The following CDK17 variants were observed in gnomAD, a reference collection of about 807,000 sequenced individuals.
CDK17 encodes cyclin-dependent kinase 17.
CDK17 carries 24 observed loss-of-function variants against 77.6 expected under a neutral mutation model. That is an observed-to-expected ratio of 0.31 (90% CI 0.22 to 0.44). CDK17 has a LOEUF of 0.44. Ranked by LOEUF, CDK17 falls within the 20% of genes least tolerant of loss-of-function variation. The pLI, the probability that CDK17 is intolerant of heterozygous loss-of-function variation, is 1.00. For synonymous variants in CDK17, 203 were observed against 210.4 expected (o/e 0.96, Z 0.30); for missense variants, 429 against 622.5 (o/e 0.69, Z 3.31).
At chr12:96,306,852 T>G (rs997607489) in intron 5 of CDK17, among the ~76,000 whole-genome samples, 1 of 152,226 alleles carries the variant, frequency 6.6e-6, no homozygotes, top group African/African-American at 2.4e-5. Context: ...GGGTAGAGAT[T>G]TTCATTTTGA....
chr12:96,391,012 G>A (rs965424037), intron 1 of CDK17, among the ~76,000 whole-genome samples: 4 of 151,414 alleles, frequency 2.6e-5, no homozygotes, highest in Admixed American at 6.6e-5. Context: ...TACTGAACCC[G>A]GGAGGTGGAG....
chr12:96,381,517 A>G (rs963947320), intron 1 of CDK17, among the ~76,000 whole-genome samples: 5 of 152,134 alleles, frequency 3.3e-5, no homozygotes, highest in African/African-American at 1.2e-4. Context: ...GAAGAAAAAA[A>G]TAGAGACTTC....
intron 1 of CDK17, among the ~76,000 whole-genome samples, chr12:96,341,874 C>G (rs1953127127): frequency 1.3e-5 from 2 of 152,100 alleles, no homozygotes; most frequent in Non-Finnish European, 2.9e-5. Flanking sequence ...TCAAGCTACT[C>G]TAATATAAAA....
chr12:96,352,830 T>C (rs1188744384), intron 1 of CDK17, among the ~76,000 whole-genome samples: 1 of 152,234 alleles, frequency 6.6e-6, no homozygotes, highest in East Asian at 1.9e-4. Flanking sequence ...ATTATGGCTA[T>C]TTTGCTACTC....
rs537539553 is a variant in CDK17, at chr12:96,325,686, G to A, written c.119-1574C>T. Among the ~76,000 whole-genome samples the A allele has an allele frequency of 4.6e-5, 7 of 152,340 alleles. No individual in the cohort carries two copies. In the South Asian group the frequency reaches 1.2e-3, roughly 27 times the overall value. On this transcript the variant is annotated intron_variant, in intron 2 of 16. Coordinates refer to ENST00000261211, the MANE Select transcript of CDK17 (RefSeq NM_002595.5). ...ATGCCTACCTAGTAATACAGAACAT[G>A]TGTCTAAAGTTTCCTGTGATCTGTA... is the stretch of plus-strand genomic sequence containing the variant.
chr12:96,337,651 G>C (rs1953062355), intron 1 of CDK17, among the ~76,000 whole-genome samples: 1 of 152,118 alleles, frequency 6.6e-6, no homozygotes, highest in Non-Finnish European at 1.5e-5. Context: ...CTTTACTTCT[G>C]ATAGTCAACC....
At chr12:96,372,674 G>T (rs1338084101) in intron 1 of CDK17, among the ~76,000 whole-genome samples, 1 of 151,800 alleles carries the variant, frequency 6.6e-6, no homozygotes, top group Non-Finnish European at 1.5e-5. Flanking sequence ...TTTTTCAGAG[G>T]TTTTCATTTT....
In CDK17 at chr12:96,327,546, A is replaced by T. The variant is rs896766113; in HGVS notation, c.119-3434T>A. 6.7e-5 allele frequency among the ~76,000 whole-genome samples: 10 copies of T among 150,064 alleles called. No individual in the cohort carries two copies. The East Asian group carries it at 1.4e-3, about 21-fold the overall frequency. On this transcript the variant is annotated intron_variant, in intron 2 of 16. Transcript: ENST00000261211. ...TTATAGTAAAAACATCTATTCAAAT[A>T]TTTTTTTTTTCTTTTTTTCCAGGCA... is the stretch of plus-strand genomic sequence containing the variant.
At chr12:96,323,739 G>T (rs1952856235) in intron 3 of CDK17, among the ~76,000 whole-genome samples, 1 of 152,130 alleles carries the variant, frequency 6.6e-6, no homozygotes, top group African/African-American at 2.4e-5. Flanking sequence ...TTTCCCTCCT[G>T]ATGGACAGGT....
At chr12:96,329,247 G>C (rs569747611) in intron 2 of CDK17, among the ~76,000 whole-genome samples, 1 of 152,018 alleles carries the variant, frequency 6.6e-6, no homozygotes, top group Non-Finnish European at 1.5e-5. Flanking sequence ...AAATAGACAC[G>C]TATTTAATGC....
rs780694333 is a variant in CDK17 at position 96,295,330 on chromosome 12, C to A, written c.874-208G>T. 55 of 357,004 alleles carry A rather than the reference C, an allele frequency of 1.5e-4. No individual in the cohort carries two copies. In the Middle Eastern group the frequency reaches 3.1e-3, roughly 20 times the overall value. 22.1% of individuals were successfully genotyped at this position (357,004 alleles called of 1,614,324 possible). On this transcript the variant is annotated intron_variant, in intron 9 of 16. Transcript: ENST00000261211. ...TTATTATTCTATTTGAAGCATCTAC[C>A]TATTTCTTTTAGTCTAACAGTATCT...
intron 3 of CDK17, among the ~76,000 whole-genome samples, chr12:96,319,503 G>C (rs1191234180): frequency 7.5e-6 from 1 of 133,822 alleles, no homozygotes; most frequent in African/African-American, 2.9e-5. Context: ...CCAAAAAAGA[G>C]AATTTTAGAC....
At chr12:96,310,631 T>C (rs1253442515) in intron 5 of CDK17, among the ~76,000 whole-genome samples, 3 of 151,728 alleles carry the variant, frequency 2.0e-5, no homozygotes, top group African/African-American at 7.3e-5. Flanking sequence ...AAATTTTCTT[T>C]TACTGATCCA....
intron 1 of CDK17, among the ~76,000 whole-genome samples, chr12:96,387,489 G>T (rs1462101493): frequency 6.6e-6 from 1 of 152,166 alleles, no homozygotes; most frequent in African/African-American, 2.4e-5. Flanking sequence ...GAATGATTCT[G>T]AAGTTGAGGT....
At chr12:96,311,275 T>C in intron 4 of CDK17, 98 bp from the exon 5 acceptor site, 1 of 1,059,134 alleles carries the variant, frequency 9.4e-7, no homozygotes, top group Non-Finnish European at 1.3e-6. Context: ...GATAAGTAAT[T>C]GTAAAGTTTT....
intron 3 of CDK17, among the ~76,000 whole-genome samples, chr12:96,322,229 G>C (rs1027928492): frequency 6.6e-6 from 1 of 152,122 alleles, no homozygotes; most frequent in Non-Finnish European, 1.5e-5. Flanking sequence ...TCTCTCTGCT[G>C]ATCAGGTAAT....
At chr12:96,365,410 C>T (rs1953568851) in intron 1 of CDK17, among the ~76,000 whole-genome samples, 1 of 152,004 alleles carries the variant, frequency 6.6e-6, no homozygotes, top group Non-Finnish European at 1.5e-5. Context: ...TAAGACTCAC[C>T]CAAGAGTCAC....
chr12:96,310,535 G>A (rs1408443432), intron 5 of CDK17, among the ~76,000 whole-genome samples: 6 of 152,002 alleles, frequency 3.9e-5, no homozygotes, highest in African/African-American at 1.5e-4. Flanking sequence ...TTTAGCATCA[G>A]AAGGCAGAGA....
At chr12:96,289,092 C>T (rs1952283546) in intron 11 of CDK17, 75 bp downstream of exon 11, 2 of 1,458,658 alleles carry the variant, frequency 1.4e-6, no homozygotes, top group Non-Finnish European at 9.6e-7. Context: ...AAAGTATATA[C>T]TTATCAATAC....
Sources: gnomAD v4.1 joint callset for allele counts (sites outside exome capture counted in the v4.1 genomes callset) on GRCh38, gnomAD v4.1.1 for gene constraint, MANE v1.5 for transcripts, NCBI Gene and HGNC (gene_info 2026-07-23, HGNC 2026-07-21) for gene names.